Variants in PEX7 observed in about 807,000 individuals in gnomAD.
The protein encoded by PEX7 is peroxisomal biogenesis factor 7.
In PEX7, 34 loss-of-function variants were observed where a neutral mutation model predicts 47.5. That is an observed-to-expected ratio of 0.72 (90% CI 0.54 to 0.95). The LOEUF (loss-of-function observed/expected upper bound fraction) is 0.95, where lower values mean the gene tolerates loss of function less well. Ranked by LOEUF, PEX7 falls within the 40% of genes least tolerant of loss-of-function variation. The pLI is 0.00. For synonymous variants in PEX7, 141 were observed against 148.8 expected, an observed-to-expected ratio of 0.95 and a Z score of 0.38; for missense variants, 394 against 400.3, an observed-to-expected ratio of 0.98 and a Z score of 0.13.
In PEX7 at chr6:136,913,855, A is replaced by T. The variant is rs1318605386; in HGVS notation, c.*329A>T. 2 of 240,988 alleles carry T rather than the reference A, an allele frequency of 8.3e-6. No individual in the cohort carries two copies. The highest frequency in any genetic ancestry group is 4.6e-5 in the African/African-American group (2 of 43,426). The allele number at this position is 240,988 out of a possible 1,614,324, so 14.9% of individuals were successfully genotyped here. A position where few individuals can be genotyped will look rare whatever the true frequency, so the allele number is the denominator to read the frequency against. On this transcript the variant is annotated 3_prime_UTR_variant, in exon 10 of 10. Transcript: ENST00000318471. The stretch of plus-strand genomic sequence containing the variant: ...ACTTATATAGATAGTGATATATTTC[A>T]TTTTTAATTTGTCATTTTTGATGTA...
intron 9 of PEX7, among the ~76,000 whole-genome samples, chr6:136,908,033 T>C (rs1002842916): frequency 1.3e-5 from 2 of 152,194 alleles, no homozygotes; most frequent in Non-Finnish European, 2.9e-5. Flanking sequence ...ATTTTGCATA[T>C]AGGAAATGCT....
chr6:136,827,012 A>G (rs1343562951), intron 3 of PEX7, among the ~76,000 whole-genome samples: 1 of 152,202 alleles, frequency 6.6e-6, no homozygotes, highest in Admixed American at 6.5e-5. Context: ...CTTCAGTTGT[A>G]CTAACATACA....
chr6:136,871,947 A>G (rs1016433916), intron 7 of PEX7, among the ~76,000 whole-genome samples: 1 of 151,974 alleles, frequency 6.6e-6, no homozygotes, highest in Non-Finnish European at 1.5e-5. Flanking sequence ...TATTCTAAAT[A>G]AGTTCTAAAA....
intron 8 of PEX7, among the ~76,000 whole-genome samples, chr6:136,881,290 A>G (rs1481755329): frequency 6.6e-6 from 1 of 152,198 alleles, no homozygotes; most frequent in Non-Finnish European, 1.5e-5. Context: ...CAAGGTGTGA[A>G]TGGCCAGTAA....
At chr6:136,909,771 T>C (rs1775904196) in intron 9 of PEX7, among the ~76,000 whole-genome samples, 1 of 152,234 alleles carries the variant, frequency 6.6e-6, no homozygotes, top group Non-Finnish European at 1.5e-5. Context: ...TTATGAACAT[T>C]TGCTGAATCA....
chr6:136,905,608 T>C (rs919809481), intron 9 of PEX7, among the ~76,000 whole-genome samples: 1 of 152,338 alleles, frequency 6.6e-6, no homozygotes, highest in South Asian at 2.1e-4. Context: ...ATTTTTTCAA[T>C]GCTACCATGC....
intron 8 of PEX7, among the ~76,000 whole-genome samples, chr6:136,872,762 A>C (rs576974960): frequency 9.6e-4 from 146 of 152,242 alleles, no homozygotes; most frequent in African/African-American, 3.5e-3. Context: ...ACTTCCAGTT[A>C]CAGTTCCATA....
intron 5 of PEX7, among the ~76,000 whole-genome samples, chr6:136,860,509 G>T (rs1355661295): frequency 6.7e-6 from 1 of 150,260 alleles, no homozygotes; most frequent in Non-Finnish European, 1.5e-5. Context: ...ACACACCGGG[G>T]CCTGTTGTGG....
At position 136,900,718 on chromosome 6, in the gene PEX7, T is replaced by G. The variant is rs911714616; in HGVS notation, c.903+2477T>G. ...ATGTGCAGTCACCGCCAGCTGAGCC[T>G]TCTTCTTCTCCACCAAGGTGGTGAC... On this transcript the variant is annotated intron_variant, in intron 9 of 9. Transcript: ENST00000318471. The surrounding 1 kb of genome is among the most constrained non-coding windows in gnomAD (Gnocchi z 4.2). The G allele has an allele frequency of 1.2e-5, 4 of 344,942 alleles. No individual in the cohort carries two copies. Among genetic ancestry groups the G allele is most frequent in the African/African-American group, 4.4e-5 (2 of 45,770 alleles). 21.4% of individuals were successfully genotyped at this position (344,942 alleles called of 1,614,324 possible). A position where few individuals can be genotyped will look rare whatever the true frequency, so the allele number is the denominator to read the frequency against.
Position 136,826,450 on chromosome 6 carries a change from A to G in PEX7, c.320A>G (p.Tyr107Cys), listed in dbSNP as rs545635665. 6 of 1,614,088 alleles carry G rather than the reference A, an allele frequency of 3.7e-6. No individual in the cohort carries two copies. The highest frequency in any genetic ancestry group is 2.7e-5 in the African/African-American group (2 of 74,976). The change falls in exon 3 of 10, where the codon TAT (tyrosine) becomes TGT (cysteine). Residue 107 changes from tyrosine to cysteine, a missense_variant. Tyr to Cys is a radical substitution (Grantham distance 194). Coordinates refer to ENST00000318471, the MANE Select transcript of PEX7 (RefSeq NM_000288.4). ...AAAGCTGCAGGGCCACTGCAAGTCT[A>G]TAAAGAACACGCTCAGGAGGTAGGA... is the stretch of plus-strand genomic sequence containing the variant. ...TAKAAGPLQV[Y>C]KEHAQEVYSV...
At chr6:136,902,284 T>A (rs1775765595) in intron 9 of PEX7, among the ~76,000 whole-genome samples, 1 of 152,210 alleles carries the variant, frequency 6.6e-6, no homozygotes, top group Non-Finnish European at 1.5e-5. Context: ...ACCTTGCTGA[T>A]GTTACTTTAA....
intron 5 of PEX7, among the ~76,000 whole-genome samples, chr6:136,853,930 A>G (rs748837159): frequency 2.0e-4 from 30 of 152,292 alleles, no homozygotes; most frequent in Non-Finnish European, 3.4e-4. Flanking sequence ...AAGCTAAGTC[A>G]TAGCTTTTTT....
chr6:136,891,106 A>G (rs1775545295), intron 8 of PEX7, among the ~76,000 whole-genome samples: 2 of 152,194 alleles, frequency 1.3e-5, no homozygotes, highest in Non-Finnish European at 2.9e-5. Flanking sequence ...GAGATGTGGC[A>G]TTCTTCAGAA....
rs1452611618 is a variant in PEX7 at position 136,872,247 on chromosome 6, C to T, written c.797C>T (p.Thr266Ile). 1.3e-6 allele frequency: 2 copies of T among 1,599,998 alleles called. No homozygotes were observed. Among genetic ancestry groups the T allele is most frequent in the Non-Finnish European group, 8.5e-7 (1 of 1,172,790 alleles). ...SVLASCSYDF[T>I]VRFWNFSKPD... Reference sequence around the variant, plus strand: ...CTGGCCTCTTGCTCGTATGATTTTACTGTAAGGTACAGTGGTTTTTAATAC... The same window carrying T: ...CTGGCCTCTTGCTCGTATGATTTTATTGTAAGGTACAGTGGTTTTTAATAC... The change falls in exon 8 of 10, where the codon ACT (threonine) becomes ATT (isoleucine). Residue 266 changes from threonine to isoleucine, a missense_variant. Coordinates refer to ENST00000318471, the MANE Select transcript of PEX7 (RefSeq NM_000288.4).
chr6:136,887,857 A>T (rs1208808241), intron 8 of PEX7, among the ~76,000 whole-genome samples: 1 of 152,186 alleles, frequency 6.6e-6, no homozygotes, highest in Admixed American at 6.5e-5. Context: ...GCTTTATTAT[A>T]TTGTGTTAAG....
intron 5 of PEX7, among the ~76,000 whole-genome samples, chr6:136,852,988 G>A (rs1774787074): frequency 7.5e-6 from 1 of 133,532 alleles, no homozygotes; most frequent in Non-Finnish European, 1.6e-5. Flanking sequence ...ACAGAACAGA[G>A]CCCTCAGAAA....
chr6:136,881,199 G>A (rs1775371007), intron 8 of PEX7, among the ~76,000 whole-genome samples: 1 of 152,166 alleles, frequency 6.6e-6, no homozygotes, highest in Non-Finnish European at 1.5e-5. Flanking sequence ...TTGGAAAGCA[G>A]GAAGGAGCAG....
At position 136,900,541 on chromosome 6, in the gene PEX7, CT is replaced by C; in HGVS notation, c.903+2304del. ...AGCTTCCACCATCTTAGCCAAAGCC[CT>C]TTTGTCTTCCGAGTTAATCTGTGTG... On this transcript the variant is annotated intron_variant, in intron 9 of 9. Transcript: ENST00000318471. The surrounding 1 kb of genome is among the most constrained non-coding windows in gnomAD (Gnocchi z 4.2). 2 of 457,506 alleles carry C rather than the reference CT, an allele frequency of 4.4e-6. No homozygotes were observed. Among genetic ancestry groups the C allele is most frequent in the South Asian group, 1.6e-5 (1 of 62,262 alleles). The allele number at this position is 457,506 out of a possible 1,614,324, so 28.3% of individuals were successfully genotyped here.
chr6:136,898,286 A>G lies in PEX7; in HGVS notation c.903+45A>G, dbSNP rs201892139. On this transcript the variant is annotated intron_variant, in intron 9 of 9. Coordinates refer to ENST00000318471, the MANE Select transcript of PEX7 (RefSeq NM_000288.4). ...GATATTCTCTTCTGCCCAAGTTCACAGCCAACTCTGTGTGGCATGCATTGC... is the reference window on the plus strand; with the variant it reads ...GATATTCTCTTCTGCCCAAGTTCACGGCCAACTCTGTGTGGCATGCATTGC... 3.0e-5 allele frequency: 35 copies of G among 1,149,930 alleles called. No individual in the cohort carries two copies. The Middle Eastern group carries it at 1.2e-3, about 38-fold the overall frequency. 71.2% of individuals were successfully genotyped at this position (1,149,930 alleles called of 1,614,324 possible).
Sources: allele counts gnomAD v4.1 joint callset (sites outside exome capture counted in the v4.1 genomes callset), GRCh38; gene constraint gnomAD v4.1.1; non-coding constraint Gnocchi (gnomAD v3.1); transcripts MANE v1.5; gene names NCBI Gene and HGNC (gene_info 2026-07-23, HGNC 2026-07-21).